The following NAALADL2 variants were observed in gnomAD, a reference collection of about 807,000 sequenced individuals.
The protein encoded by NAALADL2 is N-acetylated alpha-linked acidic dipeptidase like 2.
A neutral mutation model predicts 87.2 loss-of-function variants in NAALADL2; 76 were observed. That is an observed-to-expected ratio of 0.87 (90% CI 0.72 to 1.05). The LOEUF is 1.05. Ranked by LOEUF, NAALADL2 falls within the 50% of genes least tolerant of loss-of-function variation. NAALADL2 has a pLI of 0.00. For missense variants in NAALADL2, 1,089 were observed against 945.8 expected, an observed-to-expected ratio of 1.15 and a Z score of -1.99; for synonymous variants, 354 against 331.0, an observed-to-expected ratio of 1.07 and a Z score of -0.75.
chr3:175,681,364 A>T (rs764392853), intron 11 of NAALADL2, among the ~76,000 whole-genome samples: 4 of 152,136 alleles, frequency 2.6e-5, no homozygotes, highest in Non-Finnish European at 5.9e-5. Context: ...TGGCTCAGAA[A>T]TCTCTTTTAT....
In NAALADL2 at chr3:175,806,580, A is replaced by G. The variant is rs1482697798; in HGVS notation, c.*3377A>G. ...ATTTGTTATTAATGGAATCATTATG[A>G]GAAAAGAAAAGTGGACCCATTTTAT... On this transcript the variant is annotated 3_prime_UTR_variant, in exon 14 of 14. Transcript: ENST00000454872. The G allele has an allele frequency of 6.6e-6, 1 of 151,792 alleles. No individual in the cohort carries two copies. Among genetic ancestry groups the G allele is most frequent in the Admixed American group, 6.6e-5 (1 of 15,208 alleles). The allele number at this position is 151,792 out of a possible 1,614,324, so 9.4% of individuals were successfully genotyped here.
At chr3:175,170,597 A>G (rs1734665569) in intron 2 of NAALADL2, among the ~76,000 whole-genome samples, 2 of 150,610 alleles carry the variant, frequency 1.3e-5, no homozygotes, top group South Asian at 4.2e-4. Context: ...GTATTTCTTG[A>G]CTCTAAATAT....
At chr3:175,761,878 A>G (rs1220326334) in intron 13 of NAALADL2, among the ~76,000 whole-genome samples, 2 of 152,058 alleles carry the variant, frequency 1.3e-5, no homozygotes, top group African/African-American at 4.8e-5. Context: ...TGTTAGACGT[A>G]TTTTTATATT....
At chr3:175,067,940 A>G (rs1233492557) in intron 1 of NAALADL2, among the ~76,000 whole-genome samples, 1 of 152,110 alleles carries the variant, frequency 6.6e-6, no homozygotes, top group African/African-American at 2.4e-5. Flanking sequence ...CTTTGAAACA[A>G]CATGAATGGA....
At chr3:175,640,749 C>A (rs1729170094) in intron 11 of NAALADL2, among the ~76,000 whole-genome samples, 1 of 151,854 alleles carries the variant, frequency 6.6e-6, no homozygotes, top group South Asian at 2.1e-4. Flanking sequence ...TATATGCATA[C>A]CATGTTCTAA....
chr3:175,417,117 G>GAAAAA (rs11424007), intron 5 of NAALADL2, among the ~76,000 whole-genome samples: 2 of 125,466 alleles, frequency 1.6e-5, no homozygotes, highest in Non-Finnish European at 3.3e-5. Context: ...GAAGAGAAAA[G>GAAAAA]AAAAAAAAAA....
At chr3:175,484,943 G>A (rs1471845322) in intron 9 of NAALADL2, among the ~76,000 whole-genome samples, 1 of 152,112 alleles carries the variant, frequency 6.6e-6, no homozygotes, top group Non-Finnish European at 1.5e-5. Flanking sequence ...AAGTATAGCT[G>A]CCAGTTGCCT....
At position 174,496,637 on chromosome 3, in the gene NAALADL2, G is replaced by A. The variant is rs916387800; in HGVS notation, c.-183-53932G>A. On this transcript the variant is annotated intron_variant, in intron 1 of 3. Transcript: ENST00000434257. The stretch of plus-strand genomic sequence containing the variant: ...CTTTTAAGAACCCTCAGTTAAGAGT[G>A]TTTTAAAATCTAAAGTTTCCATCTT... Among the ~76,000 whole-genome samples, 3 of 151,666 alleles carry A rather than the reference G, an allele frequency of 2.0e-5. No individual in the cohort carries two copies. The South Asian group carries it at 6.2e-4, about 31-fold the overall frequency.
intron 1 of NAALADL2, among the ~76,000 whole-genome samples, chr3:175,062,240 A>T (rs1403200373): frequency 1.3e-5 from 2 of 152,180 alleles, no homozygotes; most frequent in African/African-American, 4.8e-5. Context: ...TTTTGGTTAA[A>T]CAATGTACTT....
intron 5 of NAALADL2, among the ~76,000 whole-genome samples, chr3:175,416,285 G>A (rs1281488381): frequency 6.6e-6 from 1 of 151,500 alleles, no homozygotes; most frequent in South Asian, 2.1e-4. Context: ...TATTTACAGT[G>A]TTGTGTTGTG....
intron 4 of NAALADL2, among the ~76,000 whole-genome samples, chr3:175,300,783 ATTTAT>A (rs202232185): frequency 0.1 from 14,556 of 138,976 alleles, 870 homozygotes; most frequent in African/African-American, 0.14. Flanking sequence ...TTATTTATTT[ATTTAT>A]TTTATTTTAT....
intron 1 of NAALADL2, among the ~76,000 whole-genome samples, chr3:175,007,623 A>C (rs934764664): frequency 6.6e-6 from 1 of 152,180 alleles, no homozygotes; most frequent in African/African-American, 2.4e-5. Flanking sequence ...AAACTTGAGA[A>C]GTAGCGTATG....
chr3:174,728,739 C>T (rs1445551600), intron 2 of NAALADL2, among the ~76,000 whole-genome samples: 1 of 152,040 alleles, frequency 6.6e-6, no homozygotes, highest in African/African-American at 2.4e-5. Flanking sequence ...GGGACTGAAA[C>T]TCAGATCAAT....
rs1468291587 is a variant in NAALADL2, at chr3:175,468,578, G to A, written c.1533+1394G>A. On this transcript the variant is annotated intron_variant, in intron 8 of 13. Coordinates refer to ENST00000454872, the MANE Select transcript of NAALADL2 (RefSeq NM_207015.3). The stretch of plus-strand genomic sequence containing the variant: ...TTAAAATGTCTTAAAGATTCTTTTC[G>A]AATTCCAAAGATGTATTTTGCTATT... Among the ~76,000 whole-genome samples, 8 of 151,666 alleles carry A rather than the reference G, an allele frequency of 5.3e-5. No homozygotes were observed. The East Asian group carries it at 1.4e-3, about 26-fold the overall frequency.
chr3:175,422,122 G>C (rs1434543893), intron 5 of NAALADL2, among the ~76,000 whole-genome samples: 2 of 151,584 alleles, frequency 1.3e-5, no homozygotes, highest in African/African-American at 4.8e-5. Flanking sequence ...TCGTGTAGAT[G>C]ATTTTTTAAA....
intron 2 of NAALADL2, among the ~76,000 whole-genome samples, chr3:175,173,529 T>G (rs1368854348): frequency 6.6e-6 from 1 of 152,060 alleles, no homozygotes. Context: ...ATTTTTCAAA[T>G]AGTTTATTTT....
At chr3:174,756,204 C>T (rs1472000717) in intron 3 of NAALADL2, among the ~76,000 whole-genome samples, 2 of 152,150 alleles carry the variant, frequency 1.3e-5, no homozygotes, top group East Asian at 1.9e-4. Flanking sequence ...CAAATGTTTC[C>T]TTAAGGAATC....
chr3:174,514,105 TG>T (rs367925029), intron 1 of NAALADL2, among the ~76,000 whole-genome samples: 1,656 of 152,286 alleles, frequency 0.011, 36 homozygotes, highest in African/African-American at 0.038. Flanking sequence ...GAATTATCAA[TG>T]TTTTTTTTCT....
At chr3:175,216,789 C>A (rs572771027) in intron 2 of NAALADL2, among the ~76,000 whole-genome samples, 2 of 151,048 alleles carry the variant, frequency 1.3e-5, no homozygotes, top group East Asian at 4.0e-4. Flanking sequence ...CTGCCTCAGC[C>A]TCCTGAGTAC....
Sources: gnomAD v4.1 joint callset for allele counts (sites outside exome capture counted in the v4.1 genomes callset) on GRCh38, gnomAD v4.1.1 for gene constraint, MANE v1.5 for transcripts, NCBI Gene and HGNC (gene_info 2026-07-23, HGNC 2026-07-21) for gene names.